The following PCDH15 variants were observed in gnomAD, a reference collection of about 807,000 sequenced individuals.
The protein encoded by PCDH15 is protocadherin related 15.
A neutral mutation model predicts 178.5 loss-of-function variants in PCDH15; 129 were observed. The observed-to-expected ratio is 0.72, with a 90% confidence interval of 0.63 to 0.84. PCDH15 has a LOEUF of 0.84. Ranked by LOEUF, PCDH15 falls within the 40% of genes least tolerant of loss-of-function variation. The pLI is 0.00. For missense variants in PCDH15, 2,230 were observed against 2,099.9 expected, an observed-to-expected ratio of 1.06 and a Z score of -1.21; for synonymous variants, 800 against 732.0, an observed-to-expected ratio of 1.09 and a Z score of -1.50.
At chr10:54,317,560 A>T in intron 7 of PCDH15, 119 bp from the exon 8 acceptor site, 8 of 1,138,280 alleles carry the variant, frequency 7.0e-6, no homozygotes, top group Non-Finnish European at 1.1e-5. Context: ...GGATCACTTG[A>T]GGTCAGGGGT....
intron 3 of PCDH15, among the ~76,000 whole-genome samples, chr10:54,840,769 GCAGAGTAGGAATACTTCGTT>G (rs1454700661): frequency 6.6e-6 from 1 of 151,792 alleles, no homozygotes; most frequent in Non-Finnish European, 1.5e-5. Context: ...CCAAGAGAGA[GCAGAGTAGGAATACTTCGTT>G]CAGACAAAAT....
At chr10:55,063,126 C>T (rs1841478954) in intron 2 of PCDH15, among the ~76,000 whole-genome samples, 1 of 152,092 alleles carries the variant, frequency 6.6e-6, no homozygotes, top group Admixed American at 6.6e-5. Context: ...TGTTGTGTGA[C>T]TCCAAAATCC....
Position 53,822,601 on chromosome 10 carries a change from G to A in PCDH15, c.4368-2371C>T, listed in dbSNP as rs764626570. ...GTCTCTCTCCTAGAGAGTGAAGAAT[G>A]TAAAACACAAGGCCTTGAAGGAGAA... On this transcript the variant is annotated intron_variant, in intron 32 of 37. Coordinates refer to ENST00000644397, the MANE Select transcript of PCDH15 (RefSeq NM_001384140.1). 4.7e-5 allele frequency: 76 copies of A among 1,613,906 alleles called. 4 individuals are homozygous for A. In the South Asian group the frequency reaches 8.0e-4, roughly 17 times the overall value.
chr10:54,432,105 T>C (rs1413094008), intron 3 of PCDH15, among the ~76,000 whole-genome samples: 1 of 152,014 alleles, frequency 6.6e-6, no homozygotes, highest in African/African-American at 2.4e-5. Context: ...TCCATGTTCA[T>C]AGGTTGGAAG....
At chr10:54,985,114 T>C (rs988359641) in intron 2 of PCDH15, among the ~76,000 whole-genome samples, 4 of 152,152 alleles carry the variant, frequency 2.6e-5, no homozygotes, top group African/African-American at 9.7e-5. Context: ...TATTAGAGTA[T>C]TTTTTGACCT....
At chr10:54,962,403 A>G (rs1838679341) in intron 2 of PCDH15, among the ~76,000 whole-genome samples, 1 of 151,854 alleles carries the variant, frequency 6.6e-6, no homozygotes, top group Non-Finnish European at 1.5e-5. Context: ...GGGCTGAAAC[A>G]TATCTCCCCC....
At chr10:54,073,753 A>G (rs777685074) in intron 17 of PCDH15, among the ~76,000 whole-genome samples, 3 of 152,184 alleles carry the variant, frequency 2.0e-5, no homozygotes, top group Non-Finnish European at 4.4e-5. Flanking sequence ...GAACACACGG[A>G]ATCTGGTCAG....
chr10:54,218,569 A>G (rs984967815), intron 9 of PCDH15, among the ~76,000 whole-genome samples: 1 of 151,724 alleles, frequency 6.6e-6, no homozygotes, highest in Non-Finnish European at 1.5e-5. Context: ...AGGAAAGGCC[A>G]TGTGAAGACA....
At chr10:55,461,847 T>C (rs906446162) in intron 2 of PCDH15, among the ~76,000 whole-genome samples, 8 of 152,114 alleles carry the variant, frequency 5.3e-5, no homozygotes, top group Non-Finnish European at 1.0e-4. Context: ...ATGTCAAAAA[T>C]ATAATCAAAA....
At chr10:54,170,473 C>T (rs1265322097) in intron 13 of PCDH15, among the ~76,000 whole-genome samples, 1 of 151,892 alleles carries the variant, frequency 6.6e-6, no homozygotes, top group Non-Finnish European at 1.5e-5. Flanking sequence ...TCACTCTCTA[C>T]AGTTCTCATA....
At chr10:54,498,862 G>A (rs1359132230) in intron 3 of PCDH15, among the ~76,000 whole-genome samples, 2 of 152,090 alleles carry the variant, frequency 1.3e-5, no homozygotes, top group Non-Finnish European at 2.9e-5. Context: ...ACGGCTGGGA[G>A]GGCCCAGGAA....
rs138972364 is a variant in PCDH15 at position 54,823,232 on chromosome 10, C to T, written c.-29+74218G>A. ...ACACACACACACACACACACGCACA[C>T]GCACACGCACACGCATATACATTTA... On this transcript the variant is annotated intron_variant, in intron 3 of 5. Coordinates refer to the PCDH15 transcript ENST00000458638. Among the ~76,000 whole-genome samples the T allele has an allele frequency of 5.4e-3, 821 of 152,014 alleles. 8 individuals are homozygous for T. Among genetic ancestry groups the T allele is most frequent in the African/African-American group, 0.018 (745 of 41,478 alleles).
chr10:54,560,709 T>C (rs944381636), intron 2 of PCDH15, among the ~76,000 whole-genome samples: 4 of 152,116 alleles, frequency 2.6e-5, no homozygotes, highest in African/African-American at 7.2e-5. Flanking sequence ...CTTTTTTATG[T>C]TATAAAATAA....
intron 2 of PCDH15, among the ~76,000 whole-genome samples, chr10:55,623,636 T>C (rs187334390): frequency 1.9e-4 from 29 of 151,764 alleles, no homozygotes; most frequent in Admixed American, 5.9e-4. Flanking sequence ...CAAGAGATTA[T>C]ATATACATAT....
intron 15 of PCDH15, among the ~76,000 whole-genome samples, chr10:54,103,675 A>C (rs889888915): frequency 6.6e-6 from 1 of 152,202 alleles, no homozygotes; most frequent in African/African-American, 2.4e-5. Flanking sequence ...ACCAAGAGAG[A>C]TCCGGCATTT....
At chr10:54,782,725 C>T (rs1325328755) in intron 1 of PCDH15, among the ~76,000 whole-genome samples, 1 of 152,072 alleles carries the variant, frequency 6.6e-6, no homozygotes, top group African/African-American at 2.4e-5. Flanking sequence ...CTTGCTACCA[C>T]TGGAGTCCCC....
intron 29 of PCDH15, among the ~76,000 whole-genome samples, chr10:53,832,850 T>C (rs1211985530): frequency 1.3e-5 from 2 of 152,006 alleles, no homozygotes; most frequent in African/African-American, 4.8e-5. Flanking sequence ...AAAATAGAAG[T>C]GCCTGGTATC....
At chr10:55,094,030 A>T (rs563291474) in intron 2 of PCDH15, among the ~76,000 whole-genome samples, 1 of 152,106 alleles carries the variant, frequency 6.6e-6, no homozygotes, top group South Asian at 2.1e-4. Flanking sequence ...GACCCAGGGA[A>T]CCCATTGCTG....
intron 9 of PCDH15, among the ~76,000 whole-genome samples, chr10:54,225,161 C>T (rs1371315010): frequency 3.3e-5 from 5 of 151,990 alleles, no homozygotes; most frequent in Admixed American, 6.6e-5. Context: ...CTAGAAAGAC[C>T]GAGTTCTTGT....
Sources: gnomAD v4.1 joint callset for allele counts (sites outside exome capture counted in the v4.1 genomes callset) on GRCh38, gnomAD v4.1.1 for gene constraint, MANE v1.5 for transcripts, NCBI Gene and HGNC (gene_info 2026-07-23, HGNC 2026-07-21) for gene names.